The following KIAA0319L variants were observed in gnomAD, a reference collection of about 807,000 sequenced individuals.
KIAA0319L encodes dyslexia-associated protein KIAA0319-like protein.
In KIAA0319L, 55 loss-of-function variants were observed where a neutral mutation model predicts 120.1. The ratio of observed to expected loss-of-function variants is 0.46; its 90% confidence interval spans 0.37 to 0.57. The LOEUF (loss-of-function observed/expected upper bound fraction) is 0.57. Ranked by LOEUF, KIAA0319L falls within the 20% of genes least tolerant of loss-of-function variation. The pLI, the probability that KIAA0319L is intolerant of heterozygous loss-of-function variation, is 0.00. For missense variants in KIAA0319L, 1,049 were observed against 1,255.3 expected (o/e 0.84, Z 2.48); for synonymous variants, 398 against 471.9 (o/e 0.84, Z 2.03).
intron 2 of KIAA0319L, among the ~76,000 whole-genome samples, chr1:35,523,661 A>G (rs988244806): frequency 6.6e-6 from 1 of 152,206 alleles, no homozygotes; most frequent in African/African-American, 2.4e-5. Flanking sequence ...TTTTTGCATG[A>G]AAGTGGAGGA....
chr1:35,488,748 A>C (rs1644479586), intron 3 of KIAA0319L, among the ~76,000 whole-genome samples: 1 of 152,232 alleles, frequency 6.6e-6, no homozygotes, highest in Admixed American at 6.5e-5. Flanking sequence ...AAGAAGGGAC[A>C]ATTGCAACCA....
At chr1:35,457,818 C>T (rs1208666566) in intron 9 of KIAA0319L, among the ~76,000 whole-genome samples, 1 of 152,190 alleles carries the variant, frequency 6.6e-6, no homozygotes, top group East Asian at 1.9e-4. Flanking sequence ...AGGAAAAAAG[C>T]ACAAAAACCT....
At chr1:35,486,376 G>GAAA (rs899924972) in intron 3 of KIAA0319L, among the ~76,000 whole-genome samples, 165 of 51,224 alleles carry the variant, frequency 3.2e-3, no homozygotes, top group African/African-American at 5.0e-3. Flanking sequence ...CCTGTCTCAA[G>GAAA]AAAAAAAAAA....
At chr1:35,544,681 G>C (rs892601820) in intron 2 of KIAA0319L, among the ~76,000 whole-genome samples, 1 of 152,186 alleles carries the variant, frequency 6.6e-6, no homozygotes, top group African/African-American at 2.4e-5. Context: ...CTAGATGCTA[G>C]AGATGTAACT....
chr1:35,489,203 G>A (rs1644499430), intron 3 of KIAA0319L, among the ~76,000 whole-genome samples: 1 of 150,912 alleles, frequency 6.6e-6, no homozygotes, highest in South Asian at 2.1e-4. Flanking sequence ...ATGCCACAAG[G>A]TAAAAAAACA....
At chr1:35,492,472 C>T (rs539607458) in intron 3 of KIAA0319L, among the ~76,000 whole-genome samples, 1 of 151,860 alleles carries the variant, frequency 6.6e-6, no homozygotes, top group African/African-American at 2.4e-5. Context: ...CAAGATCAAG[C>T]CACTGCATTC....
chr1:35,474,425 C>T lies in KIAA0319L; in HGVS notation c.1015+380G>A, dbSNP rs552572724. Among the ~76,000 whole-genome samples, 180 of 152,162 alleles carry T rather than the reference C, an allele frequency of 1.2e-3. 1 individual carries two copies. The highest frequency in any genetic ancestry group is 3.9e-3 in the African/African-American group (160 of 41,490). On this transcript the variant is annotated intron_variant, in intron 5 of 20. Coordinates refer to ENST00000325722, the MANE Select transcript of KIAA0319L (RefSeq NM_024874.5). ...TTTAGTGCCTAGCATATAGCTGATG[C>T]TTATTAATATAGAACATATTTATTA...
chr1:35,460,191 C>T, intron 9 of KIAA0319L, 114 bp downstream of exon 9: 1 of 867,956 alleles, frequency 1.2e-6, no homozygotes, highest in Non-Finnish European at 1.8e-6. Flanking sequence ...GCTGTATTAT[C>T]AACCAACTCC....
Position 35,507,072 on chromosome 1 carries a change from C to T in KIAA0319L, c.206G>A (p.Gly69Glu). The change falls in exon 3 of 21, where the codon GGA becomes GAA. Residue 69 changes from glycine (G) to glutamate (E), a missense_variant. By Grantham distance (98) the Gly-to-Glu change is moderately conservative. Coordinates refer to ENST00000325722, the MANE Select transcript of KIAA0319L (RefSeq NM_024874.5). ...TQFGVGLRSG[G>E]ENHLWLLEGT... ...TTCAAGAAGCCAGAGGTGATTTTCT[C>T]CCCCAGATCTCAGGCCAACTCCAAA... is the stretch of plus-strand genomic sequence containing the variant. 6.4e-7 allele frequency: 1 copy of T among 1,567,960 alleles called. No individual in the cohort carries two copies. Among genetic ancestry groups the T allele is most frequent in the South Asian group, 1.2e-5 (1 of 83,256 alleles).
At chr1:35,478,783 G>A (rs1037812516) in intron 4 of KIAA0319L, among the ~76,000 whole-genome samples, 183 bp downstream of exon 4, 1 of 152,186 alleles carries the variant, frequency 6.6e-6, no homozygotes, top group Non-Finnish European at 1.5e-5. Context: ...TCCATAAGCT[G>A]GAGGCCTGCT....
chr1:35,532,687 C>T (rs1048648390), intron 2 of KIAA0319L, among the ~76,000 whole-genome samples: 1 of 152,182 alleles, frequency 6.6e-6, no homozygotes, highest in Non-Finnish European at 1.5e-5. Flanking sequence ...TCCCTGCCCA[C>T]GCTGCCATAC....
chr1:35,475,416 C>G (rs1362022323), intron 4 of KIAA0319L, among the ~76,000 whole-genome samples: 1 of 152,044 alleles, frequency 6.6e-6, no homozygotes, highest in Admixed American at 6.6e-5. Context: ...ACAAATCTGC[C>G]TTACTTTCTT....
In KIAA0319L at chr1:35,478,961, C is replaced by T. The variant is rs1402558254; in HGVS notation, c.913+5G>A. ...CCTTCTATCTCCAAGAGCAAAGGTCCTTACCTGGGTATGGTGCTGAGGTGC... is the reference window on the plus strand; with the variant it reads ...CCTTCTATCTCCAAGAGCAAAGGTCTTTACCTGGGTATGGTGCTGAGGTGC... On this transcript the variant is annotated splice_donor_5th_base_variant and intron_variant, in intron 4 of 20. Transcript: ENST00000325722. The T allele has an allele frequency of 6.2e-7, 1 of 1,613,630 alleles. No individual in the cohort carries two copies. Among genetic ancestry groups the T allele is most frequent in the South Asian group, 1.1e-5 (1 of 91,068 alleles).
chr1:35,481,161 A>C (rs1644147320), intron 3 of KIAA0319L, among the ~76,000 whole-genome samples: 1 of 152,220 alleles, frequency 6.6e-6, no homozygotes, highest in African/African-American at 2.4e-5. Flanking sequence ...TTTCCATTAT[A>C]GAAATACACA....
Position 35,451,786 on chromosome 1 carries a change from A to C in KIAA0319L, c.1914-10T>G. The C allele has an allele frequency of 1.2e-6, 2 of 1,613,934 alleles. No individual in the cohort carries two copies. The highest frequency in any genetic ancestry group is 1.7e-6 in the Non-Finnish European group (2 of 1,179,890). On this transcript the variant is annotated splice_polypyrimidine_tract_variant and intron_variant, in intron 12 of 20. Coordinates refer to ENST00000325722, the MANE Select transcript of KIAA0319L (RefSeq NM_024874.5). ...CACCCCATCAGGTCCCCTGCAAAAAAAGAAACTAGAGGGTAGAGTTGTACC... is the reference window on the plus strand; with the variant it reads ...CACCCCATCAGGTCCCCTGCAAAAACAGAAACTAGAGGGTAGAGTTGTACC...
At chr1:35,454,223 A>G (rs1642272141) in intron 11 of KIAA0319L, 139 bp downstream of exon 11, 2 of 791,982 alleles carry the variant, frequency 2.5e-6, no homozygotes, top group Admixed American at 4.9e-5. Flanking sequence ...AGGGGAAGGA[A>G]CAATAGAAGT....
chr1:35,504,628 T>C (rs1558512264), intron 3 of KIAA0319L, among the ~76,000 whole-genome samples: 1 of 152,236 alleles, frequency 6.6e-6, no homozygotes, highest in Non-Finnish European at 1.5e-5. Flanking sequence ...AGCTACATTC[T>C]GGGGGATTCT....
intron 20 of KIAA0319L, 133 bp downstream of exon 20, chr1:35,440,914 A>C: frequency 1.3e-6 from 1 of 788,850 alleles, no homozygotes; most frequent in South Asian, 1.5e-5. Context: ...CTCAGTCTTC[A>C]TCAGGCAAAA....
intron 3 of KIAA0319L, among the ~76,000 whole-genome samples, chr1:35,481,450 C>A (rs993146855): frequency 6.6e-6 from 1 of 152,122 alleles, no homozygotes; most frequent in African/African-American, 2.4e-5. Flanking sequence ...ACTTGGTATT[C>A]CTGGTCTTTT....
Sources: gnomAD v4.1 joint callset for allele counts (sites outside exome capture counted in the v4.1 genomes callset) on GRCh38, gnomAD v4.1.1 for gene constraint, MANE v1.5 for transcripts, NCBI Gene and HGNC (gene_info 2026-07-23, HGNC 2026-07-21) for gene names.